Variants in SLC9D1 observed in about 807,000 individuals in gnomAD.
SLC9D1 encodes the protein solute carrier family 9 member D1.
At chr13:113,505,252 A>T in the SLC9D1 span, 2 of 151,876 alleles carry the variant, frequency 1.3e-5, no homozygotes, top group East Asian at 3.9e-4. Flanking sequence ...AGCTCTTTGG[A>T]TTTGTACACT....
At chr13:113,503,646 G>A in the SLC9D1 span, 2 of 1,124,908 alleles carry the variant, frequency 1.8e-6, no homozygotes, top group Non-Finnish European at 2.7e-6. Context: ...TGTGGTTTTG[G>A]TTCATACACT....
the SLC9D1 span, among the ~76,000 whole-genome samples, chr13:113,526,719 A>G: frequency 2.0e-5 from 3 of 152,212 alleles, no homozygotes; most frequent in Admixed American, 2.0e-4. Context: ...ACACTGTCTC[A>G]GTTTAGTGTA....
At chr13:113,502,008 C>T in the SLC9D1 span, 1 of 744,092 alleles carries the variant, frequency 1.3e-6, no homozygotes. Context: ...TCAAAGATGT[C>T]CTTTCAGGTG....
chr13:113,549,291 GT>G, the SLC9D1 span: 5 of 997,006 alleles, frequency 5.0e-6, no homozygotes, highest in African/African-American at 8.0e-5. Flanking sequence ...AGCACTCAGC[GT>G]GACTGTGCTC....
the SLC9D1 span, chr13:113,510,245 A>G: frequency 6.2e-7 from 1 of 1,614,020 alleles, no homozygotes; most frequent in Non-Finnish European, 8.5e-7. Context: ...AAGGTGTGGA[A>G]GATTTCCTTA....
At chr13:113,534,009 T>C in the SLC9D1 span, 18 of 1,503,246 alleles carry the variant, frequency 1.2e-5, no homozygotes, top group East Asian at 3.8e-4. Flanking sequence ...GAACTGTGTT[T>C]TGGAAGTGAA....
At chr13:113,506,558 A>AGTGTGTGTGTGTGTGT in the SLC9D1 span, among the ~76,000 whole-genome samples, 7 of 109,780 alleles carry the variant, frequency 6.4e-5, no homozygotes, top group African/African-American at 9.0e-5. Context: ...TGTGTGTGTG[A>AGTGTGTGTGTGTGTGT]GTGTGTGTGT....
chr13:113,547,578 A>G, the SLC9D1 span, among the ~76,000 whole-genome samples: 1 of 151,972 alleles, frequency 6.6e-6, no homozygotes, highest in African/African-American at 2.4e-5. Context: ...TGTCCATGTG[A>G]TCGATTGTTT....
At chr13:113,507,185 T>C in the SLC9D1 span, among the ~76,000 whole-genome samples, 2 of 152,162 alleles carry the variant, frequency 1.3e-5, no homozygotes, top group African/African-American at 4.8e-5. Flanking sequence ...GAGCCTGTGC[T>C]GCTGTCCCCG....
the SLC9D1 span, chr13:113,534,281 T>G: frequency 1.4e-6 from 2 of 1,474,682 alleles, no homozygotes; most frequent in Non-Finnish European, 1.9e-6. Context: ...ATCTGATACA[T>G]AATCTCTTTC....
the SLC9D1 span, among the ~76,000 whole-genome samples, chr13:113,502,681 G>A: frequency 6.6e-6 from 1 of 152,220 alleles, no homozygotes; most frequent in Non-Finnish European, 1.5e-5. Flanking sequence ...CACTCACGGT[G>A]CGAGCAGCGT....
At chr13:113,495,704 G>C in the SLC9D1 span, 5 of 1,612,862 alleles carry the variant, frequency 3.1e-6, no homozygotes, top group Non-Finnish European at 4.2e-6. Flanking sequence ...GGCGAGGGGT[G>C]GCTGCCATGC....
chr13:113,507,745 T>C, the SLC9D1 span, among the ~76,000 whole-genome samples: 1 of 152,388 alleles, frequency 6.6e-6, no homozygotes, highest in African/African-American at 2.4e-5. Flanking sequence ...TGCTTCTGTC[T>C]TGTATCTTCT....
At chr13:113,501,931 G>C in the SLC9D1 span, 1 of 1,435,510 alleles carries the variant, frequency 7.0e-7, no homozygotes, top group Non-Finnish European at 9.7e-7. Context: ...AATATAAAAA[G>C]AGAATTCATG....
At chr13:113,498,475 G>A in the SLC9D1 span, 14 of 1,593,332 alleles carry the variant, frequency 8.8e-6, no homozygotes, top group African/African-American at 2.7e-5. Context: ...GCAGCGGATC[G>A]TCTGGAGGAA....
chr13:113,496,156 G>GC, the SLC9D1 span: 1 of 662,506 alleles, frequency 1.5e-6, no homozygotes, highest in African/African-American at 1.8e-5. Context: ...GGAAGGGAAG[G>GC]CGTGAATGCT....
the SLC9D1 span, chr13:113,547,171 C>G: frequency 2.7e-6 from 2 of 736,122 alleles, no homozygotes; most frequent in South Asian, 1.7e-5. Flanking sequence ...TGCTTTCACA[C>G]GTGCACTTGG....
At chr13:113,498,557 G>C in the SLC9D1 span, 1 of 1,497,626 alleles carries the variant, frequency 6.7e-7, no homozygotes, top group Non-Finnish European at 9.0e-7. Flanking sequence ...TTCACCTCCT[G>C]AGCCACTCAC....
At chr13:113,538,860 G>A in the SLC9D1 span, among the ~76,000 whole-genome samples, 17 of 152,216 alleles carry the variant, frequency 1.1e-4, no homozygotes, top group East Asian at 1.9e-4. Context: ...CGGCCGGCGC[G>A]CTGATGTGGC....
Sources: gnomAD v4.1 joint callset for allele counts (sites outside exome capture counted in the v4.1 genomes callset) on GRCh38, gnomAD v4.1.1 for gene constraint, MANE v1.5 for transcripts, NCBI Gene and HGNC (gene_info 2026-07-23, HGNC 2026-07-21) for gene names.